CHRM3: variants seen among roughly 807,000 people sequenced by gnomAD.
The protein encoded by CHRM3 is muscarinic acetylcholine receptor M3.
In CHRM3, 11 loss-of-function variants were observed where a neutral mutation model predicts 41.8. That is an observed-to-expected ratio of 0.26 (90% CI 0.17 to 0.44). CHRM3 has a LOEUF of 0.44. CHRM3 is among the 20% of genes least tolerant of loss of function. The pLI, the probability that CHRM3 is intolerant of heterozygous loss-of-function variation, is 1.00. For synonymous variants in CHRM3, 297 were observed against 301.4 expected (o/e 0.99, Z 0.15); for missense variants, 571 against 745.4 (o/e 0.77, Z 2.72).
At chr1:239,599,140 T>C in intron 3 of CHRM3, among the ~76,000 whole-genome samples, 1 of 152,258 alleles carries the variant, frequency 6.6e-6, no homozygotes, top group East Asian at 1.9e-4. Flanking sequence ...CTTCTCGACT[T>C]CTTTGTCTCT....
chr1:239,529,970 T>C lies in CHRM3; in HGVS notation c.-421-15671T>C, dbSNP rs181252681. Reference sequence around the variant, plus strand: ...TGGAGTGCAGTGGCGCGATCTCGGCTCACTGCAAGCTCCGCCTCCCAGGTT... The same window carrying C: ...TGGAGTGCAGTGGCGCGATCTCGGCCCACTGCAAGCTCCGCCTCCCAGGTT... On this transcript the variant is annotated intron_variant, in intron 2 of 6. Coordinates refer to ENST00000676153, the MANE Select transcript of CHRM3 (RefSeq NM_001375978.1). Among the ~76,000 whole-genome samples, 803 of 152,154 alleles carry C rather than the reference T, an allele frequency of 5.3e-3. 7 individuals carry two copies. Among genetic ancestry groups the C allele is most frequent in the African/African-American group, 0.018 (766 of 41,502 alleles).
intron 6 of CHRM3, among the ~76,000 whole-genome samples, chr1:239,899,264 C>A (rs1344650268): frequency 7.0e-6 from 1 of 143,790 alleles, no homozygotes; most frequent in Admixed American, 7.1e-5. Flanking sequence ...TTGGCTCTTG[C>A]ATTTTGAACT....
At chr1:239,510,377 T>C (rs925469559) in intron 2 of CHRM3, among the ~76,000 whole-genome samples, 2 of 152,160 alleles carry the variant, frequency 1.3e-5, no homozygotes, top group African/African-American at 4.8e-5. Context: ...AGGAAGACAC[T>C]GTCTCCTCTT....
rs139767891 is a variant in CHRM3 at position 239,753,463 on chromosome 1, A to G, written c.-146-73789A>G. ...GAAGGGGAAGCCGGTATGTATTCAC[A>G]TGGCCAGCATGAGAAAGAGAGAGTG... On this transcript the variant is annotated intron_variant, in intron 5 of 6. Transcript: ENST00000676153. Among the ~76,000 whole-genome samples the G allele has an allele frequency of 6.0e-3, 915 of 152,288 alleles. 11 individuals are homozygous for G. The highest frequency in any genetic ancestry group is 0.021 in the African/African-American group (870 of 41,574).
chr1:239,787,766 A>G (rs1669025782), intron 5 of CHRM3, among the ~76,000 whole-genome samples: 1 of 152,230 alleles, frequency 6.6e-6, no homozygotes, highest in Non-Finnish European at 1.5e-5. Flanking sequence ...GTCCGATCTT[A>G]GGCAAGTGTC....
Position 239,534,586 on chromosome 1 carries a change from AT to A in CHRM3, c.-421-11051del, listed in dbSNP as rs562849087. On this transcript the variant is annotated intron_variant, in intron 2 of 6. Coordinates refer to ENST00000676153, the MANE Select transcript of CHRM3 (RefSeq NM_001375978.1). ...TTATTAAATCTAAAAATTACTTCTG[AT>A]TTTAAAAGGATTCTCTGAAACAGAA... Among the ~76,000 whole-genome samples the A allele has an allele frequency of 1.2e-3, 190 of 152,308 alleles. 1 individual carries two copies. Among genetic ancestry groups the A allele is most frequent in the Admixed American group, 2.7e-3 (42 of 15,292 alleles).
chr1:239,417,577 TTG>T (rs1204737729), intron 1 of CHRM3, among the ~76,000 whole-genome samples: 1 of 87,058 alleles, frequency 1.1e-5, no homozygotes, highest in Non-Finnish European at 2.4e-5. Flanking sequence ...TAAGATTAAT[TTG>T]TTTTTTTTTT....
chr1:239,756,123 G>A (rs1015392715), intron 5 of CHRM3, among the ~76,000 whole-genome samples: 1 of 152,078 alleles, frequency 6.6e-6, no homozygotes, highest in Admixed American at 6.5e-5. Flanking sequence ...TCTTGGTACT[G>A]TATGTATTAT....
chr1:239,571,147 T>C (rs1029710332), intron 3 of CHRM3, among the ~76,000 whole-genome samples: 1 of 151,960 alleles, frequency 6.6e-6, no homozygotes, highest in Non-Finnish European at 1.5e-5. Context: ...ATCATAATAA[T>C]GGAGATTAAG....
chr1:239,592,769 T>C (rs1317204975), intron 3 of CHRM3, among the ~76,000 whole-genome samples: 1 of 152,154 alleles, frequency 6.6e-6, no homozygotes, highest in African/African-American at 2.4e-5. Flanking sequence ...TTGGGACTAT[T>C]TTGAATAACG....
intron 5 of CHRM3, chr1:239,730,271 A>G (rs1415302731): frequency 1.3e-5 from 2 of 152,030 alleles, no homozygotes; most frequent in African/African-American, 4.8e-5. Flanking sequence ...TAATTTTAAC[A>G]GAGTAAAGAG....
intron 1 of CHRM3, among the ~76,000 whole-genome samples, chr1:239,481,032 T>C (rs1055387580): frequency 6.6e-6 from 1 of 152,232 alleles, no homozygotes; most frequent in African/African-American, 2.4e-5. Context: ...ATAACGATTT[T>C]ATGTATAGGA....
At chr1:239,901,536 C>T (rs1269386566) in intron 6 of CHRM3, among the ~76,000 whole-genome samples, 1 of 152,022 alleles carries the variant, frequency 6.6e-6, no homozygotes, top group African/African-American at 2.4e-5. Flanking sequence ...TGTATACAAC[C>T]TTTAGTATAC....
At chr1:239,426,430 A>G (rs1662387796) in intron 1 of CHRM3, among the ~76,000 whole-genome samples, 1 of 150,030 alleles carries the variant, frequency 6.7e-6, no homozygotes, top group African/African-American at 2.5e-5. Context: ...CCAGTCATGA[A>G]TGACTTTCTA....
chr1:239,442,777 A>G (rs74149066), intron 1 of CHRM3, among the ~76,000 whole-genome samples: 6,817 of 152,284 alleles, frequency 0.045, 494 homozygotes, highest in African/African-American at 0.15. Context: ...CAACAGATAC[A>G]AGAGGAGAAA....
chr1:239,838,956 A>G lies in CHRM3; in HGVS notation c.-20+11578A>G, dbSNP rs183347337. Among the ~76,000 whole-genome samples the G allele has an allele frequency of 6.8e-4, 103 of 152,376 alleles. 2 individuals are homozygous for G. Among genetic ancestry groups the G allele is most frequent in the Middle Eastern group, 6.8e-3 (2 of 294 alleles). On this transcript the variant is annotated intron_variant, in intron 6 of 6. Coordinates refer to ENST00000676153, the MANE Select transcript of CHRM3 (RefSeq NM_001375978.1). ...TAAGGATGATGTTAAACAAAGCATC[A>G]TATCATCTAGAAAATTAAAGCATGG...
intron 3 of CHRM3, among the ~76,000 whole-genome samples, chr1:239,612,409 G>T (rs1324186652): frequency 6.6e-6 from 1 of 152,072 alleles, no homozygotes; most frequent in Non-Finnish European, 1.5e-5. Context: ...TCTGAGTTTT[G>T]CAAAGGGTTC....
chr1:239,656,464 A>G (rs927111643), intron 4 of CHRM3, among the ~76,000 whole-genome samples: 1 of 144,756 alleles, frequency 6.9e-6, no homozygotes. Context: ...CTGCTAAAAA[A>G]AAAAGAAAAA....
At chr1:239,731,352 A>G (rs1558494210) in intron 5 of CHRM3, among the ~76,000 whole-genome samples, 1 of 151,970 alleles carries the variant, frequency 6.6e-6, no homozygotes, top group Non-Finnish European at 1.5e-5. Flanking sequence ...GGATATCTAC[A>G]TCAAAGAGAT....
Sources: gnomAD v4.1 joint callset for allele counts (sites outside exome capture counted in the v4.1 genomes callset) on GRCh38, gnomAD v4.1.1 for gene constraint, MANE v1.5 for transcripts, NCBI Gene and HGNC (gene_info 2026-07-23, HGNC 2026-07-21) for gene names.